PLA2G4C: variants seen among roughly 807,000 people sequenced by gnomAD.
PLA2G4C encodes phospholipase A2 group IVC.
In PLA2G4C, 64 loss-of-function variants were observed where a neutral mutation model predicts 73.8. That is an observed-to-expected ratio of 0.87 (90% CI 0.71 to 1.07). The LOEUF is 1.07. PLA2G4C is among the 50% of genes least tolerant of loss of function. The pLI is 0.00. For synonymous variants in PLA2G4C, 254 were observed against 252.1 expected, an observed-to-expected ratio of 1.01 and a Z score of -0.07; for missense variants, 622 against 665.4, an observed-to-expected ratio of 0.93 and a Z score of 0.72.
chr19:48,099,097 C>T (rs1229089195), intron 5 of PLA2G4C, among the ~76,000 whole-genome samples: 1 of 146,522 alleles, frequency 6.8e-6, no homozygotes, highest in South Asian at 2.2e-4. Context: ...CCTGTCTCTA[C>T]AAAAAAAAAA....
intron 12 of PLA2G4C, 175 bp from the exon 13 acceptor site, chr19:48,068,061 TG>T: frequency 1.7e-6 from 1 of 591,452 alleles, no homozygotes; most frequent in Non-Finnish European, 3.1e-6. Context: ...CCCAGCACTT[TG>T]GGAGGCCGAG....
At chr19:48,106,129 C>G (rs757447814) in intron 2 of PLA2G4C, among the ~76,000 whole-genome samples, 1 of 150,164 alleles carries the variant, frequency 6.7e-6, no homozygotes, top group Non-Finnish European at 1.5e-5. Context: ...TGTTGCCCAC[C>G]ACCAGTGCGG....
chr19:48,097,313 C>A (rs1295680425), intron 6 of PLA2G4C, among the ~76,000 whole-genome samples: 1 of 131,496 alleles, frequency 7.6e-6, no homozygotes, highest in Middle Eastern at 4.2e-3. Context: ...AGTGCTGTGG[C>A]GCGATCTCAG....
chr19:48,078,871 C>CTTTT (rs33976382), intron 10 of PLA2G4C, among the ~76,000 whole-genome samples: 23 of 137,968 alleles, frequency 1.7e-4, no homozygotes, highest in East Asian at 4.2e-4. Context: ...TCCTAAAATC[C>CTTTT]TTTTTTTTTT....
At chr19:48,056,929 G>C (rs781539987) in intron 14 of PLA2G4C, among the ~76,000 whole-genome samples, 1 of 151,366 alleles carries the variant, frequency 6.6e-6, no homozygotes, top group Non-Finnish European at 1.5e-5. Flanking sequence ...GGAGCTGAAT[G>C]ATGAGAACAC....
At chr19:48,085,807 C>G (rs1047372597) in intron 9 of PLA2G4C, among the ~76,000 whole-genome samples, 1 of 152,136 alleles carries the variant, frequency 6.6e-6, no homozygotes, top group Non-Finnish European at 1.5e-5. Flanking sequence ...CCCACCACAC[C>G]AGGGAGCCTG....
At chr19:48,074,683 C>A in intron 12 of PLA2G4C, 84 bp downstream of exon 12, 1 of 893,982 alleles carries the variant, frequency 1.1e-6, no homozygotes, top group Non-Finnish European at 1.9e-6. Flanking sequence ...GCAGGACTGG[C>A]CCACAGGGGT....
intron 13 of PLA2G4C, chr19:48,063,838 C>G (rs1401509330): frequency 6.6e-6 from 1 of 151,738 alleles, no homozygotes; most frequent in Non-Finnish European, 1.5e-5. Context: ...AGCTTGCTAC[C>G]TGGAGCCTTC....
intron 16 of PLA2G4C, among the ~76,000 whole-genome samples, chr19:48,048,669 G>A (rs545571655): frequency 3.3e-5 from 5 of 152,230 alleles, no homozygotes; most frequent in Admixed American, 3.3e-4. Context: ...GGCCTACATC[G>A]AATGTCATGA....
chr19:48,058,527 T>G (rs921659029), intron 14 of PLA2G4C, among the ~76,000 whole-genome samples: 1 of 151,942 alleles, frequency 6.6e-6, no homozygotes, highest in Non-Finnish European at 1.5e-5. Flanking sequence ...TTCTAAAGAT[T>G]TGACATTCAG....
At chr19:48,077,055 C>T (rs1337318236) in intron 11 of PLA2G4C, among the ~76,000 whole-genome samples, 1 of 152,178 alleles carries the variant, frequency 6.6e-6, no homozygotes, top group South Asian at 2.1e-4. Flanking sequence ...TTCATGACTC[C>T]CAACCTATGT....
chr19:48,054,101 A>G (rs1028948530), intron 15 of PLA2G4C, among the ~76,000 whole-genome samples: 1 of 152,082 alleles, frequency 6.6e-6, no homozygotes, highest in African/African-American at 2.4e-5. Context: ...TTGGAGCGTA[A>G]CAAGATGTCC....
rs11564625 is a variant in PLA2G4C at position 48,066,685 on chromosome 19, A to T, written c.1102+1106T>A. 1.2e-3 allele frequency among the ~76,000 whole-genome samples: 180 copies of T among 152,098 alleles called. 1 individual carries two copies. Among genetic ancestry groups the T allele is most frequent in the African/African-American group, 4.2e-3 (176 of 41,504 alleles). On this transcript the variant is annotated intron_variant, in intron 13 of 16. Transcript: ENST00000599921. ...TTGTAACAAAAGAGTGGGGAAGGCC[A>T]GGTGTGGGGTGGCTCACACCTGTAA...
intron 4 of PLA2G4C, 78 bp from the exon 5 acceptor site, chr19:48,099,938 G>C: frequency 1.0e-6 from 1 of 983,346 alleles, no homozygotes; most frequent in Non-Finnish European, 1.5e-6. Flanking sequence ...TGTGCAAGGA[G>C]GTCCTTCACA....
chr19:48,053,181 T>G (rs1296777684), intron 15 of PLA2G4C, 34 bp from the exon 16 acceptor site: 1 of 1,512,454 alleles, frequency 6.6e-7, no homozygotes, highest in Non-Finnish European at 9.0e-7. Flanking sequence ...AGAAAAGGCA[T>G]CATGAGTTTG....
At chr19:48,082,227 C>CAA (rs34737959) in intron 10 of PLA2G4C, among the ~76,000 whole-genome samples, 40 of 148,050 alleles carry the variant, frequency 2.7e-4, no homozygotes, top group South Asian at 6.4e-4. Flanking sequence ...AGTAAAAATT[C>CAA]AAAAAAAAAC....
intron 1 of PLA2G4C, among the ~76,000 whole-genome samples, chr19:48,107,388 G>C (rs2032287992): frequency 6.6e-6 from 1 of 152,168 alleles, no homozygotes; most frequent in African/African-American, 2.4e-5. Flanking sequence ...GCCAGGAGCA[G>C]TGGCTCATGC....
chr19:48,078,232 C>T (rs946929355), intron 10 of PLA2G4C, among the ~76,000 whole-genome samples: 3 of 152,104 alleles, frequency 2.0e-5, no homozygotes, highest in Non-Finnish European at 2.9e-5. Context: ...TAATAAAAGC[C>T]ATCTATGACA....
rs1405192538 is a variant in PLA2G4C, at chr19:48,067,782, T to TC, written c.1102+8dup. Reference sequence around the variant, plus strand: ...ACAGACCAGGGCGGTGGGAAGAGGGTCTTCTCACCGTGTTTGTACAGGAAG... The same window carrying TC: ...ACAGACCAGGGCGGTGGGAAGAGGGTCCTTCTCACCGTGTTTGTACAGGAAG... On this transcript the variant is annotated intron_variant, in intron 13 of 16. Coordinates refer to ENST00000599921, the MANE Select transcript of PLA2G4C (RefSeq NM_003706.3). 1.3e-6 allele frequency: 2 copies of TC among 1,578,486 alleles called. No homozygotes were observed. Among genetic ancestry groups the TC allele is most frequent in the South Asian group, 2.2e-5 (2 of 90,354 alleles).
Sources: gnomAD v4.1 joint callset for allele counts (sites outside exome capture counted in the v4.1 genomes callset) on GRCh38, gnomAD v4.1.1 for gene constraint, MANE v1.5 for transcripts, NCBI Gene and HGNC (gene_info 2026-07-23, HGNC 2026-07-21) for gene names.